The following NCOA7 variants were observed in gnomAD, a reference collection of about 807,000 sequenced individuals.
NCOA7 encodes 140 kDa estrogen receptor-associated protein.
Under a neutral mutation model 104.3 loss-of-function variants are expected in NCOA7, and 45 were observed. That is an observed-to-expected ratio of 0.43 (90% CI 0.34 to 0.55). The LOEUF (loss-of-function observed/expected upper bound fraction) is 0.55. Ranked by LOEUF, NCOA7 falls within the 20% of genes least tolerant of loss-of-function variation. The pLI, the probability that NCOA7 is intolerant of heterozygous loss-of-function variation, is 0.02. For synonymous variants in NCOA7, 398 were observed against 402.3 expected, an observed-to-expected ratio of 0.99 and a Z score of 0.13; for missense variants, 1,041 against 1,119.7, an observed-to-expected ratio of 0.93 and a Z score of 1.00.
intron 10 of NCOA7, among the ~76,000 whole-genome samples, chr6:125,905,471 A>G (rs1785913178): frequency 6.6e-6 from 1 of 152,160 alleles, no homozygotes; most frequent in Non-Finnish European, 1.5e-5. Context: ...CATGTTGGCC[A>G]GGCTGGTCTA....
In NCOA7 at chr6:125,863,440, C is replaced by G. The variant is rs1033624993; in HGVS notation, c.271+8200C>G. 1.1e-4 allele frequency among the ~76,000 whole-genome samples: 15 copies of G among 138,070 alleles called. 4 individuals are homozygous for G. Among genetic ancestry groups the G allele is most frequent in the African/African-American group, 4.5e-4 (15 of 33,102 alleles). 90.6% of individuals were successfully genotyped at this position (138,070 alleles called of 152,430 possible). ...TAGTCTGCATAATGCAAATCTCATA[C>G]CCTACTTAATCTGTCTTGTTATATT... On this transcript the variant is annotated intron_variant, in intron 3 of 15. Coordinates refer to ENST00000392477, the MANE Select transcript of NCOA7 (RefSeq NM_181782.5).
chr6:125,892,159 A>G (rs914782003), intron 10 of NCOA7, among the ~76,000 whole-genome samples: 3 of 152,214 alleles, frequency 2.0e-5, no homozygotes, highest in African/African-American at 7.2e-5. Context: ...CATCTATCAG[A>G]AAAACTACCT....
At position 125,921,160 on chromosome 6, in the gene NCOA7, C is replaced by T. The variant is rs1030345993; in HGVS notation, c.2370+92C>T. On this transcript the variant is annotated intron_variant, in intron 12 of 15. Coordinates refer to ENST00000392477, the MANE Select transcript of NCOA7 (RefSeq NM_181782.5). The stretch of plus-strand genomic sequence containing the variant: ...TACAGTGGCTCATGCCTGTAATCCT[C>T]ACACTTTGGGAGGCCAAGGCAGGCG... 1.9e-5 allele frequency: 29 copies of T among 1,490,604 alleles called. No homozygotes were observed. The East Asian group carries it at 6.6e-4, about 34-fold the overall frequency. 92.3% of individuals were successfully genotyped at this position (1,490,604 alleles called of 1,614,324 possible).
chr6:125,808,992 T>C (rs1049561099), intron 1 of NCOA7, among the ~76,000 whole-genome samples: 2 of 152,226 alleles, frequency 1.3e-5, no homozygotes, highest in African/African-American at 4.8e-5. Context: ...TCCATTCATT[T>C]TGCCATGCAA....
At chr6:125,879,802 G>C (rs1003273385) in intron 5 of NCOA7, among the ~76,000 whole-genome samples, 2 of 152,142 alleles carry the variant, frequency 1.3e-5, no homozygotes, top group Admixed American at 6.5e-5. Flanking sequence ...TTCAAGGACA[G>C]CCTGACCAAC....
intron 2 of NCOA7, among the ~76,000 whole-genome samples, chr6:125,852,035 TTCTG>T (rs1291724135): frequency 1.3e-5 from 2 of 152,186 alleles, no homozygotes; most frequent in Non-Finnish European, 2.9e-5. Flanking sequence ...TTTTCTCCCA[TTCTG>T]TCTGTTTACT....
intron 13 of NCOA7, 26 bp downstream of exon 13, chr6:125,922,860 A>T (rs549685357): frequency 1.2e-6 from 2 of 1,600,752 alleles, no homozygotes; most frequent in African/African-American, 2.7e-5. Flanking sequence ...CTCATAAAGA[A>T]TATTTTTTAA....
rs755242256 is a variant in NCOA7, at chr6:125,885,237, G to A, written c.778G>A (p.Glu260Lys). 1 of 1,614,044 alleles carries A rather than the reference G, an allele frequency of 6.2e-7. No homozygotes were observed. The change falls in exon 8 of 16, where the codon GAA (glutamate) becomes AAA (lysine). Residue 260 changes from glutamate (E) to lysine (K), a missense_variant. Physicochemically the swap from Glu to Lys is moderately conservative, Grantham distance 56 (BLOSUM62 1). Coordinates refer to ENST00000392477, the MANE Select transcript of NCOA7 (RefSeq NM_181782.5). ...DPHKSDPLVIENGCEEYGLIC... is the reference protein window; with the variant it reads ...DPHKSDPLVIKNGCEEYGLIC... ...TCATAAATCTGATCCTCTGGTTATTGAAAATGGGTGTGAGGAGTATGGTCT... is the reference window on the plus strand; with the variant it reads ...TCATAAATCTGATCCTCTGGTTATTAAAAATGGGTGTGAGGAGTATGGTCT...
At chr6:125,928,288 C>T (rs1788214208) in intron 15 of NCOA7, 41 bp downstream of exon 15, 2 of 1,551,892 alleles carry the variant, frequency 1.3e-6, no homozygotes, top group Non-Finnish European at 1.8e-6. Context: ...TGTTATTTTA[C>T]CACCTGACCT....
chr6:125,801,806 A>G (rs1157807581), intron 1 of NCOA7, among the ~76,000 whole-genome samples: 1 of 152,196 alleles, frequency 6.6e-6, no homozygotes, highest in Non-Finnish European at 1.5e-5. Context: ...GGATTAGGGC[A>G]CCACACCACT....
At chr6:125,922,278 C>T (rs1341800586) in intron 12 of NCOA7, among the ~76,000 whole-genome samples, 1 of 152,208 alleles carries the variant, frequency 6.6e-6, no homozygotes, top group Non-Finnish European at 1.5e-5. Flanking sequence ...TGCAAAGCTG[C>T]AGCTCTCAGT....
intron 10 of NCOA7, among the ~76,000 whole-genome samples, chr6:125,910,189 G>C (rs1033589639): frequency 1.3e-5 from 2 of 152,032 alleles, no homozygotes; most frequent in African/African-American, 4.8e-5. Context: ...GGAAAACATC[G>C]GGCATAGCTG....
chr6:125,810,148 T>G (rs1325668814), intron 1 of NCOA7: 1 of 152,050 alleles, frequency 6.6e-6, no homozygotes, highest in African/African-American at 2.4e-5. Context: ...ATTTGCAAGT[T>G]AAGACACATG....
intron 1 of NCOA7, among the ~76,000 whole-genome samples, chr6:125,793,700 G>A (rs1775055413): frequency 6.6e-6 from 1 of 152,056 alleles, no homozygotes; most frequent in African/African-American, 2.4e-5. Flanking sequence ...TAAAATCCCA[G>A]CCCATAATTT....
In NCOA7 at chr6:125,882,442, G is replaced by A. The variant is rs758598843; in HGVS notation, c.590G>A (p.Arg197Gln). ...YDKLPDADLA[R>Q]KALKPIERVL... ...TTTCACAAGGATGCTGACTTAGCAC[G>A]AAAGGCCTTGAAACCCATTGAAAGA... Residue 197 changes from arginine to glutamine, a missense_variant, in exon 7 of 16, where the codon CGA becomes CAA. By Grantham distance (43) the Arg-to-Gln change is conservative. Transcript: ENST00000392477. The A allele has an allele frequency of 2.0e-5, 32 of 1,612,746 alleles. No homozygotes were observed. Among genetic ancestry groups the A allele is most frequent in the Non-Finnish European group, 2.4e-5 (28 of 1,179,654 alleles).
chr6:125,867,922 G>C (rs949964006), intron 3 of NCOA7, among the ~76,000 whole-genome samples: 1 of 152,128 alleles, frequency 6.6e-6, no homozygotes, highest in African/African-American at 2.4e-5. Flanking sequence ...TCACCAGTGC[G>C]GTGTTTCGGT....
chr6:125,816,952 C>G (rs1219438600), intron 2 of NCOA7, among the ~76,000 whole-genome samples: 1 of 152,224 alleles, frequency 6.6e-6, no homozygotes, highest in African/African-American at 2.4e-5. Flanking sequence ...CCTGCCTCCT[C>G]TGACAACCAC....
chr6:125,911,803 C>A (rs1786585054), intron 10 of NCOA7, among the ~76,000 whole-genome samples: 1 of 152,146 alleles, frequency 6.6e-6, no homozygotes. Flanking sequence ...CTGGGGGAAC[C>A]CGGTCCATGG....
At chr6:125,810,078 T>G (rs1776832761) in intron 1 of NCOA7, 1 of 152,182 alleles carries the variant, frequency 6.6e-6, no homozygotes, top group Non-Finnish European at 1.5e-5. Flanking sequence ...CCAGAAAGCA[T>G]TTGGGGATGA....
Sources: allele counts gnomAD v4.1 joint callset (sites outside exome capture counted in the v4.1 genomes callset), GRCh38; gene constraint gnomAD v4.1.1; transcripts MANE v1.5; gene names NCBI Gene and HGNC (gene_info 2026-07-23, HGNC 2026-07-21).